Variants in SKAP2 observed in about 807,000 individuals in gnomAD.
The protein encoded by SKAP2 is src kinase-associated phosphoprotein 2.
SKAP2 carries 28 observed loss-of-function variants against 54.9 expected under a neutral mutation model. That is an observed-to-expected ratio of 0.51 (90% CI 0.38 to 0.70). The LOEUF (loss-of-function observed/expected upper bound fraction) is 0.70. SKAP2 is among the 30% of genes least tolerant of loss of function. The pLI, the probability that SKAP2 is intolerant of heterozygous loss-of-function variation, is 0.00. For synonymous variants in SKAP2, 137 were observed against 134.3 expected (o/e 1.02, Z -0.14); for missense variants, 356 against 424.1 (o/e 0.84, Z 1.41).
At chr7:26,744,629 G>A (rs771989216) in intron 4 of SKAP2, among the ~76,000 whole-genome samples, 7 of 152,000 alleles carry the variant, frequency 4.6e-5, no homozygotes, top group Non-Finnish European at 7.4e-5. Flanking sequence ...ATGAACAAAT[G>A]TTGATTCACA....
chr7:26,694,637 A>AG (rs1786857585), intron 9 of SKAP2, among the ~76,000 whole-genome samples: 1 of 151,560 alleles, frequency 6.6e-6, no homozygotes, highest in African/African-American at 2.4e-5. Context: ...TGAAACTTCC[A>AG]GGAGCAATCA....
intron 4 of SKAP2, among the ~76,000 whole-genome samples, chr7:26,832,141 A>G (rs1242280026): frequency 1.3e-5 from 2 of 151,972 alleles, no homozygotes; most frequent in Non-Finnish European, 2.9e-5. Context: ...TTAACCTCTT[A>G]GAGTATTTAT....
chr7:26,786,790 T>G (rs1486968036), intron 4 of SKAP2, among the ~76,000 whole-genome samples: 1 of 152,236 alleles, frequency 6.6e-6, no homozygotes, highest in Non-Finnish European at 1.5e-5. Flanking sequence ...TATCTTTTTT[T>G]TCTGAACATA....
intron 3 of SKAP2, among the ~76,000 whole-genome samples, chr7:26,851,238 C>T (rs1486721839): frequency 2.3e-5 from 3 of 128,974 alleles, no homozygotes; most frequent in East Asian, 2.2e-4. Flanking sequence ...TGACACGTGG[C>T]GAAACCCCGT....
chr7:26,692,258 T>C (rs145856201), intron 9 of SKAP2, among the ~76,000 whole-genome samples: 209 of 152,210 alleles, frequency 1.4e-3, no homozygotes, highest in Non-Finnish European at 2.3e-3. Flanking sequence ...GAAATGGACA[T>C]ATTATTACTA....
chr7:26,686,541 T>C (rs1238367533), intron 10 of SKAP2, among the ~76,000 whole-genome samples: 1 of 152,206 alleles, frequency 6.6e-6, no homozygotes, highest in Non-Finnish European at 1.5e-5. Context: ...ATTATAAAAA[T>C]GGACACTAGA....
chr7:26,732,187 A>T (rs935505055), intron 6 of SKAP2, among the ~76,000 whole-genome samples: 9 of 152,172 alleles, frequency 5.9e-5, no homozygotes, highest in Non-Finnish European at 8.8e-5. Flanking sequence ...CTGGAACCTA[A>T]ATCTCCAGTA....
chr7:26,809,757 T>C (rs903735991), intron 4 of SKAP2, among the ~76,000 whole-genome samples: 2 of 152,218 alleles, frequency 1.3e-5, no homozygotes, highest in African/African-American at 4.8e-5. Flanking sequence ...CTTCTGGGAA[T>C]ATATCCAAAA....
chr7:26,855,361 A>G (rs1032758427), intron 1 of SKAP2, among the ~76,000 whole-genome samples: 5 of 152,050 alleles, frequency 3.3e-5, no homozygotes, highest in Non-Finnish European at 7.4e-5. Context: ...AGTATAATCA[A>G]TTTTCAGGTA....
At chr7:26,808,513 T>C (rs531417697) in intron 4 of SKAP2, among the ~76,000 whole-genome samples, 1 of 152,254 alleles carries the variant, frequency 6.6e-6, no homozygotes, top group Non-Finnish European at 1.5e-5. Flanking sequence ...GAGTTTCCGT[T>C]TACAATGATG....
At chr7:26,656,232 T>C in the SKAP2 span, among the ~76,000 whole-genome samples, 1 of 152,162 alleles carries the variant, frequency 6.6e-6, no homozygotes, top group Non-Finnish European at 1.5e-5. Flanking sequence ...TAAGCTAAAA[T>C]TCAATACCTT....
At chr7:26,751,622 C>T (rs1467254763) in intron 4 of SKAP2, among the ~76,000 whole-genome samples, 2 of 152,138 alleles carry the variant, frequency 1.3e-5, no homozygotes. Flanking sequence ...CCTAAAAACA[C>T]ATGTGTATGC....
chr7:26,683,826 A>C (rs1456862719), intron 11 of SKAP2, among the ~76,000 whole-genome samples: 1 of 152,178 alleles, frequency 6.6e-6, no homozygotes, highest in Non-Finnish European at 1.5e-5. Context: ...AAGTCATACT[A>C]TCTCTCTGAA....
intron 9 of SKAP2, among the ~76,000 whole-genome samples, chr7:26,703,077 C>A (rs765783651): frequency 7.2e-5 from 11 of 152,210 alleles, no homozygotes; most frequent in Non-Finnish European, 1.3e-4. Flanking sequence ...GCCCATGCTG[C>A]TGGTCCCAGG....
At chr7:26,748,191 A>G (rs1249076820) in intron 4 of SKAP2, among the ~76,000 whole-genome samples, 3 of 152,166 alleles carry the variant, frequency 2.0e-5, no homozygotes, top group Non-Finnish European at 4.4e-5. Flanking sequence ...GTAGATGTGA[A>G]AAAAATCTCT....
chr7:26,839,593 G>A (rs866014768), intron 4 of SKAP2, among the ~76,000 whole-genome samples: 29 of 151,886 alleles, frequency 1.9e-4, no homozygotes, highest in African/African-American at 7.0e-4. Flanking sequence ...CTAAGTTATT[G>A]AAAAATTTTT....
In SKAP2 at chr7:26,821,141, T is replaced by G. The variant is rs1020463981; in HGVS notation, c.307+22889A>C. Among the ~76,000 whole-genome samples, 7 of 152,256 alleles carry G rather than the reference T, an allele frequency of 4.6e-5. 1 individual carries two copies. Among genetic ancestry groups the G allele is most frequent in the East Asian group, 3.9e-4 (2 of 5,184 alleles). ...TATCTTTTTTAAAGTCCTTGAAAAT[T>G]TAGTATGCAGATACTAAAAGTACAT... On this transcript the variant is annotated intron_variant, in intron 4 of 12. Transcript: ENST00000345317.
intron 4 of SKAP2, among the ~76,000 whole-genome samples, chr7:26,766,505 T>A (rs1258265204): frequency 2.0e-5 from 3 of 152,230 alleles, no homozygotes; most frequent in Admixed American, 2.0e-4. Context: ...CTTTGAATAC[T>A]ATGTTGAATG....
chr7:26,785,454 G>A (rs1291479060), intron 4 of SKAP2, among the ~76,000 whole-genome samples: 1 of 152,146 alleles, frequency 6.6e-6, no homozygotes. Flanking sequence ...CCAAAGTGCT[G>A]GGATTACAGG....
Sources: gnomAD v4.1 joint callset for allele counts (sites outside exome capture counted in the v4.1 genomes callset) on GRCh38, gnomAD v4.1.1 for gene constraint, MANE v1.5 for transcripts, NCBI Gene and HGNC (gene_info 2026-07-23, HGNC 2026-07-21) for gene names.